The following RSRC1 variants were observed in gnomAD, a reference collection of about 807,000 sequenced individuals.
RSRC1 encodes the protein arginine and serine rich coiled-coil 1.
Under a neutral mutation model 49.1 loss-of-function variants are expected in RSRC1, and 39 were observed. That is an observed-to-expected ratio of 0.79 (90% CI 0.61 to 1.04). RSRC1 has a LOEUF of 1.04. RSRC1 is among the 50% of genes least tolerant of loss of function. The pLI, the probability that RSRC1 is intolerant of heterozygous loss-of-function variation, is 0.00. For synonymous variants in RSRC1, 143 were observed against 130.8 expected (o/e 1.09, Z -0.63); for missense variants, 388 against 402.4 (o/e 0.96, Z 0.31).
At chr3:158,362,263 C>T (rs905056177) in intron 6 of RSRC1, among the ~76,000 whole-genome samples, 2 of 152,034 alleles carry the variant, frequency 1.3e-5, no homozygotes, top group Non-Finnish European at 2.9e-5. Flanking sequence ...TGCTTGTGCC[C>T]GAGTGAAGTC....
chr3:158,531,726 T>G (rs1026389462), intron 7 of RSRC1, among the ~76,000 whole-genome samples: 1 of 151,914 alleles, frequency 6.6e-6, no homozygotes, highest in African/African-American at 2.4e-5. Context: ...AATGTTGGAG[T>G]TGGATAGATT....
At position 158,314,470 on chromosome 3, in the gene RSRC1, T is replaced by C. The variant is rs1728308252; in HGVS notation, c.531+16395T>C. Among the ~76,000 whole-genome samples the C allele has an allele frequency of 5.3e-5, 8 of 151,958 alleles. No homozygotes were observed. The South Asian group carries it at 1.7e-3, about 32-fold the overall frequency. The stretch of plus-strand genomic sequence containing the variant: ...TGCAACAGTATTTTCACATGTTAAA[T>C]GAAAATATGCTAAACAGTTAAATTT... On this transcript the variant is annotated intron_variant, in intron 5 of 9. Transcript: ENST00000611884.
At chr3:158,261,503 G>A (rs367932453) in intron 4 of RSRC1, among the ~76,000 whole-genome samples, 5 of 152,086 alleles carry the variant, frequency 3.3e-5, no homozygotes, top group African/African-American at 9.7e-5. Context: ...TATATATTCT[G>A]GATTCAAGTA....
chr3:158,409,761 G>A (rs1229343328), intron 6 of RSRC1, among the ~76,000 whole-genome samples: 1 of 152,102 alleles, frequency 6.6e-6, no homozygotes, highest in Non-Finnish European at 1.5e-5. Context: ...GAAGGTTAAT[G>A]ATGAGTTGTG....
chr3:158,364,058 G>A (rs1163452245), intron 6 of RSRC1, among the ~76,000 whole-genome samples: 1 of 152,058 alleles, frequency 6.6e-6, no homozygotes, highest in East Asian at 1.9e-4. Flanking sequence ...TCTCTTAGTT[G>A]CCTATTAAGT....
At chr3:158,452,197 A>G (rs1247058960) in intron 6 of RSRC1, among the ~76,000 whole-genome samples, 2 of 152,162 alleles carry the variant, frequency 1.3e-5, no homozygotes, top group African/African-American at 4.8e-5. Context: ...TGTGATTCAC[A>G]GGCTCTGTGT....
At chr3:158,315,200 A>G (rs1728360585) in intron 5 of RSRC1, among the ~76,000 whole-genome samples, 1 of 152,188 alleles carries the variant, frequency 6.6e-6, no homozygotes, top group Admixed American at 6.5e-5. Flanking sequence ...GGATGGTTAC[A>G]TGGATGGATG....
In RSRC1 at chr3:158,544,402, C is replaced by A. The variant is rs1236766677; in HGVS notation, c.*127C>A. 8 of 506,192 alleles carry A rather than the reference C, an allele frequency of 1.6e-5. No individual in the cohort carries two copies. Among genetic ancestry groups the A allele is most frequent in the Non-Finnish European group, 2.8e-5 (8 of 286,766 alleles). 31.4% of individuals were successfully genotyped at this position (506,192 alleles called of 1,614,324 possible). A position where few individuals can be genotyped will look rare whatever the true frequency, so the allele number is the denominator to read the frequency against. On this transcript the variant is annotated 3_prime_UTR_variant, in exon 10 of 10. Coordinates refer to ENST00000611884, the MANE Select transcript of RSRC1 (RefSeq NM_001271838.2). ...ATTATATATAAAGGTAGTCTCATTT[C>A]ATTTGTCTCTCATGTAGGCTTGAAT... is the stretch of plus-strand genomic sequence containing the variant.
chr3:158,317,647 C>T (rs1728535172), intron 5 of RSRC1, among the ~76,000 whole-genome samples: 1 of 152,110 alleles, frequency 6.6e-6, no homozygotes, highest in Non-Finnish European at 1.5e-5. Context: ...CAACCTCCAG[C>T]CCCTGGGCTC....
At chr3:158,381,057 G>A (rs1013500650) in intron 6 of RSRC1, among the ~76,000 whole-genome samples, 8 of 152,096 alleles carry the variant, frequency 5.3e-5, no homozygotes, top group Middle Eastern at 3.2e-3. Flanking sequence ...AAAAAGTCAC[G>A]TATGTCGTGA....
chr3:158,213,371 AG>A (rs1175338077), intron 4 of RSRC1, among the ~76,000 whole-genome samples: 2 of 151,972 alleles, frequency 1.3e-5, no homozygotes, highest in Admixed American at 1.3e-4. Context: ...ATATAATAAA[AG>A]AAAATCTCCA....
chr3:158,324,494 G>A (rs1276097986), intron 5 of RSRC1, among the ~76,000 whole-genome samples: 1 of 151,964 alleles, frequency 6.6e-6, no homozygotes, highest in South Asian at 2.1e-4. Context: ...TTGGTTTTTT[G>A]TTCTTGAGAT....
intron 7 of RSRC1, among the ~76,000 whole-genome samples, chr3:158,500,550 G>T (rs541829965): frequency 1.3e-5 from 2 of 152,040 alleles, no homozygotes; most frequent in African/African-American, 4.8e-5. Context: ...CTCATTATTG[G>T]TCTGTTCAGG....
intron 3 of RSRC1, among the ~76,000 whole-genome samples, chr3:158,157,553 T>A (rs1717951283): frequency 6.6e-6 from 1 of 152,160 alleles, no homozygotes; most frequent in African/African-American, 2.4e-5. Flanking sequence ...CTGGATTGGA[T>A]CAGAATAGAT....
intron 1 of RSRC1, among the ~76,000 whole-genome samples, chr3:158,112,582 A>C (rs1296894839): frequency 1.3e-5 from 2 of 152,294 alleles, no homozygotes; most frequent in Non-Finnish European, 2.9e-5. Flanking sequence ...AATTTTTCTG[A>C]AATGTAAATG....
chr3:158,425,234 T>C (rs2108346457), intron 6 of RSRC1, among the ~76,000 whole-genome samples: 1 of 152,272 alleles, frequency 6.6e-6, no homozygotes, highest in South Asian at 2.1e-4. Flanking sequence ...TAAATTTCCC[T>C]CTACACACTG....
chr3:158,281,526 C>T lies in RSRC1; in HGVS notation c.495-16513C>T, dbSNP rs186399524. ...AGGACTGATCCTTGGGGAGCTCTTA[C>T]CTTTGGTGGCTAGAGAGAAGAGCAT... On this transcript the variant is annotated intron_variant, in intron 4 of 9. Coordinates refer to ENST00000611884, the MANE Select transcript of RSRC1 (RefSeq NM_001271838.2). Among the ~76,000 whole-genome samples the T allele has an allele frequency of 3.1e-3, 470 of 152,114 alleles. 2 individuals carry two copies. The highest frequency in any genetic ancestry group is 0.01 in the Middle Eastern group (3 of 294).
At chr3:158,378,300 C>T (rs1416982515) in intron 6 of RSRC1, among the ~76,000 whole-genome samples, 1 of 152,116 alleles carries the variant, frequency 6.6e-6, no homozygotes, top group Non-Finnish European at 1.5e-5. Context: ...TAGCCATTTA[C>T]AAATCTTTAC....
chr3:158,467,404 G>A (rs1737939200), intron 7 of RSRC1, among the ~76,000 whole-genome samples: 1 of 152,276 alleles, frequency 6.6e-6, no homozygotes, highest in Non-Finnish European at 1.5e-5. Flanking sequence ...TTTGAACCAA[G>A]TTTCCCCATC....
Sources: allele counts gnomAD v4.1 joint callset (sites outside exome capture counted in the v4.1 genomes callset), GRCh38; gene constraint gnomAD v4.1.1; transcripts MANE v1.5; gene names NCBI Gene and HGNC (gene_info 2026-07-23, HGNC 2026-07-21).